The following OPCML variants were observed in gnomAD, a reference collection of about 807,000 sequenced individuals.
The protein encoded by OPCML is opioid binding protein/cell adhesion molecule like.
Under a neutral mutation model 37.8 loss-of-function variants are expected in OPCML, and 13 were observed. The observed-to-expected ratio is 0.34, with a 90% CI of 0.22 to 0.55. OPCML has a LOEUF of 0.55. Among genes scored for constraint, OPCML ranks in the 20% least tolerant of loss-of-function variants. The probability of loss-of-function intolerance (pLI) is 0.91; values close to 1 mark genes in which losing one functional copy is unlikely to be tolerated. For missense variants in OPCML, 341 were observed against 435.6 expected, an observed-to-expected ratio of 0.78 and a Z score of 1.93; for synonymous variants, 176 against 168.8, an observed-to-expected ratio of 1.04 and a Z score of -0.33.
At chr11:132,829,092 A>G (rs1940533311) in intron 2 of OPCML, among the ~76,000 whole-genome samples, 1 of 152,226 alleles carries the variant, frequency 6.6e-6, no homozygotes, top group African/African-American at 2.4e-5. Context: ...TGCTTCCATC[A>G]GAAGGTTTGA....
intron 1 of OPCML, among the ~76,000 whole-genome samples, chr11:133,210,115 A>G (rs1165056609): frequency 1.3e-5 from 2 of 152,314 alleles, no homozygotes; most frequent in East Asian, 3.9e-4. Context: ...CGAAGCTGGA[A>G]CTGGGACGTG....
intron 1 of OPCML, among the ~76,000 whole-genome samples, chr11:133,232,756 G>C (rs966609343): frequency 6.6e-6 from 1 of 152,146 alleles, no homozygotes; most frequent in Non-Finnish European, 1.5e-5. Flanking sequence ...TCAAATAGGA[G>C]AGAAAAAGTG....
chr11:133,316,674 T>A (rs1236001851), intron 1 of OPCML, among the ~76,000 whole-genome samples: 1 of 152,178 alleles, frequency 6.6e-6, no homozygotes, highest in Non-Finnish European at 1.5e-5. Context: ...TGTTTATGAC[T>A]CTTAACCCCT....
intron 1 of OPCML, among the ~76,000 whole-genome samples, chr11:133,452,071 T>A (rs557125545): frequency 6.6e-6 from 1 of 151,528 alleles, no homozygotes; most frequent in Non-Finnish European, 1.5e-5. Flanking sequence ...CAAAGTTTTG[T>A]ACCAATGTCC....
intron 2 of OPCML, among the ~76,000 whole-genome samples, chr11:132,921,385 T>C (rs1328320848): frequency 2.0e-5 from 3 of 152,232 alleles, no homozygotes; most frequent in African/African-American, 4.8e-5. Flanking sequence ...TTCCAGGCCA[T>C]GCTCATCCTT....
At chr11:133,117,602 T>C (rs903965194) in intron 1 of OPCML, among the ~76,000 whole-genome samples, 46 of 152,204 alleles carry the variant, frequency 3.0e-4, no homozygotes, top group Non-Finnish European at 2.9e-5. Flanking sequence ...CCTAGCTGAA[T>C]TGGTCATGTG....
intron 1 of OPCML, among the ~76,000 whole-genome samples, chr11:133,104,798 T>C (rs1329450337): frequency 6.6e-6 from 1 of 152,222 alleles, no homozygotes; most frequent in African/African-American, 2.4e-5. Context: ...ATTTATTTTG[T>C]ATCTAAAAGT....
intron 1 of OPCML, among the ~76,000 whole-genome samples, chr11:133,427,786 A>T (rs1946033394): frequency 6.6e-6 from 1 of 152,162 alleles, no homozygotes; most frequent in Non-Finnish European, 1.5e-5. Context: ...TTATCAAAAA[A>T]GTTTTGGGGC....
At chr11:132,509,882 G>T (rs1490805620) in intron 4 of OPCML, among the ~76,000 whole-genome samples, 2 of 152,194 alleles carry the variant, frequency 1.3e-5, no homozygotes, top group African/African-American at 2.4e-5. Flanking sequence ...CTGCCTAGTT[G>T]AGCTGTGAGA....
intron 2 of OPCML, among the ~76,000 whole-genome samples, chr11:132,660,369 C>T (rs1489339397): frequency 2.0e-5 from 3 of 152,242 alleles, no homozygotes; most frequent in South Asian, 2.1e-4. Context: ...TCAATGATCT[C>T]GCAGCTGACA....
intron 1 of OPCML, among the ~76,000 whole-genome samples, chr11:133,233,737 C>T (rs1167132377): frequency 5.3e-5 from 8 of 152,108 alleles, no homozygotes; most frequent in Admixed American, 4.6e-4. Flanking sequence ...AGCCCCTGCC[C>T]GTAAAAATGT....
At chr11:132,528,596 A>G (rs1050522167) in intron 4 of OPCML, among the ~76,000 whole-genome samples, 2 of 152,210 alleles carry the variant, frequency 1.3e-5, no homozygotes, top group African/African-American at 4.8e-5. Context: ...CTCAAGGTGA[A>G]CTATTTATGG....
intron 1 of OPCML, among the ~76,000 whole-genome samples, chr11:133,123,987 T>G (rs1949459854): frequency 1.3e-5 from 2 of 151,728 alleles, no homozygotes; most frequent in African/African-American, 4.8e-5. Flanking sequence ...GACTGTCAGT[T>G]TTGTCACTAT....
intron 2 of OPCML, among the ~76,000 whole-genome samples, chr11:132,795,795 G>A (rs1380786260): frequency 6.6e-6 from 1 of 152,192 alleles, no homozygotes; most frequent in Non-Finnish European, 1.5e-5. Flanking sequence ...AATTGGGTCT[G>A]AGGCTATATT....
At chr11:132,664,869 T>C (rs1942152847) in intron 2 of OPCML, among the ~76,000 whole-genome samples, 1 of 152,206 alleles carries the variant, frequency 6.6e-6, no homozygotes, top group Non-Finnish European at 1.5e-5. Context: ...AGGTATTGGT[T>C]GAGAATGTAT....
At chr11:133,424,737 C>T (rs1480448390) in intron 1 of OPCML, among the ~76,000 whole-genome samples, 1 of 152,142 alleles carries the variant, frequency 6.6e-6, no homozygotes, top group African/African-American at 2.4e-5. Context: ...AATAAAACTA[C>T]TAGTTAAAAG....
chr11:132,743,232 T>C (rs892012116), intron 2 of OPCML, among the ~76,000 whole-genome samples: 1 of 152,146 alleles, frequency 6.6e-6, no homozygotes, highest in African/African-American at 2.4e-5. Flanking sequence ...TGTTGGTTAT[T>C]ACTTCATTAT....
chr11:133,078,642 G>A (rs1193078678), intron 1 of OPCML, among the ~76,000 whole-genome samples: 2 of 152,144 alleles, frequency 1.3e-5, no homozygotes, highest in African/African-American at 4.8e-5. Flanking sequence ...TGAGGAGGGC[G>A]CAGACAACCC....
At chr11:133,419,157 C>G in intron 1 of OPCML, 1 of 731,478 alleles carries the variant, frequency 1.4e-6, no homozygotes, top group Non-Finnish European at 1.7e-6. Flanking sequence ...AACTCCTTCT[C>G]TACTGCAATA....
Sources: gnomAD v4.1 joint callset for allele counts (sites outside exome capture counted in the v4.1 genomes callset) on GRCh38, gnomAD v4.1.1 for gene constraint, MANE v1.5 for transcripts, NCBI Gene and HGNC (gene_info 2026-07-23, HGNC 2026-07-21) for gene names.